The following PAK1 variants were observed in gnomAD, a reference collection of about 807,000 sequenced individuals.
The protein encoded by PAK1 is serine/threonine-protein kinase PAK 1.
A neutral mutation model predicts 67.4 loss-of-function variants in PAK1; 29 were observed. The observed-to-expected ratio is 0.43, with a 90% confidence interval of 0.32 to 0.59. PAK1 has a LOEUF of 0.59. Ranked by LOEUF, PAK1 falls within the 20% of genes least tolerant of loss-of-function variation. The probability of loss-of-function intolerance (pLI) is 0.07; values close to 1 mark genes in which losing one functional copy is unlikely to be tolerated. For missense variants in PAK1, 337 were observed against 670.7 expected, an observed-to-expected ratio of 0.50 and a Z score of 5.50; for synonymous variants, 223 against 237.4, an observed-to-expected ratio of 0.94 and a Z score of 0.56.
At position 77,349,229 on chromosome 11, in the gene PAK1, G is replaced by C; in HGVS notation, c.885+10C>G. 4.4e-6 allele frequency: 7 copies of C among 1,580,656 alleles called. No homozygotes were observed. The highest frequency in any genetic ancestry group is 5.2e-6 in the Non-Finnish European group (6 of 1,157,366). On this transcript the variant is annotated intron_variant, in intron 9 of 14. Transcript: ENST00000356341. ...AACTAAAGGAGCAACAGTGGGTGGT[G>C]GATACTCACCTCCTGTCCTGTGGCC...
chr11:77,397,159 C>T (rs565884698), intron 1 of PAK1: 1 of 152,346 alleles, frequency 6.6e-6, no homozygotes, highest in South Asian at 2.1e-4. Flanking sequence ...TCTATCCATC[C>T]TGGACAACAA....
chr11:77,472,782 A>C (rs968454480), intron 1 of PAK1, among the ~76,000 whole-genome samples: 1 of 152,168 alleles, frequency 6.6e-6, no homozygotes, highest in Non-Finnish European at 1.5e-5. Context: ...CCTTCCCTTC[A>C]CTGTTCACAG....
At position 77,421,241 on chromosome 11, in the gene PAK1, A is replaced by G. The variant is rs552481279; in HGVS notation, c.-21-28700T>C. 3.9e-5 allele frequency among the ~76,000 whole-genome samples: 6 copies of G among 152,284 alleles called. No homozygotes were observed. The East Asian group carries it at 7.7e-4, about 20-fold the overall frequency. ...GCACCAAGGCTTTCTCCGACAGGCTATATACACTCTCTCCTCCAGGCCTTC... is the reference window on the plus strand; with the variant it reads ...GCACCAAGGCTTTCTCCGACAGGCTGTATACACTCTCTCCTCCAGGCCTTC... On this transcript the variant is annotated intron_variant, in intron 1 of 14. Coordinates refer to ENST00000356341, the MANE Select transcript of PAK1 (RefSeq NM_002576.5).
chr11:77,529,113 AC>A, the PAK1 span, among the ~76,000 whole-genome samples: 2 of 152,184 alleles, frequency 1.3e-5, no homozygotes, highest in African/African-American at 4.8e-5. Context: ...ATCCCGCAAG[AC>A]AGGTATTTTT....
At chr11:77,413,739 A>C (rs994840869) in intron 1 of PAK1, among the ~76,000 whole-genome samples, 1 of 152,056 alleles carries the variant, frequency 6.6e-6, no homozygotes, top group East Asian at 1.9e-4. Context: ...GAAGAAAAGA[A>C]AGAAAGAAAG....
intron 9 of PAK1, among the ~76,000 whole-genome samples, chr11:77,345,884 GA>G (rs1944340001): frequency 6.6e-6 from 1 of 152,204 alleles, no homozygotes; most frequent in Non-Finnish European, 1.5e-5. Context: ...CACTGCTTAC[GA>G]ACCACACAGT....
intron 13 of PAK1, among the ~76,000 whole-genome samples, chr11:77,334,730 T>G (rs900305383): frequency 1.3e-5 from 2 of 152,134 alleles, no homozygotes; most frequent in Non-Finnish European, 2.9e-5. Flanking sequence ...TCATTCCCAT[T>G]AGCACACAGA....
chr11:77,493,241 AG>A, the PAK1 span, among the ~76,000 whole-genome samples: 2 of 149,878 alleles, frequency 1.3e-5, no homozygotes, highest in Non-Finnish European at 3.0e-5. Flanking sequence ...TGGGATTACA[AG>A]TGTGAGCCAT....
At chr11:77,347,971 G>A (rs1304905079) in intron 9 of PAK1, among the ~76,000 whole-genome samples, 5 of 150,194 alleles carry the variant, frequency 3.3e-5, no homozygotes, top group African/African-American at 4.8e-5. Flanking sequence ...CTAGGTCTTT[G>A]GATTCTCACA....
At chr11:77,385,415 A>G (rs902917673) in intron 2 of PAK1, among the ~76,000 whole-genome samples, 1 of 152,260 alleles carries the variant, frequency 6.6e-6, no homozygotes, top group Non-Finnish European at 1.5e-5. Flanking sequence ...TGACCACATT[A>G]AAATTCTATC....
the PAK1 span, among the ~76,000 whole-genome samples, chr11:77,525,868 A>G: frequency 6.6e-6 from 1 of 152,232 alleles, no homozygotes; most frequent in Non-Finnish European, 1.5e-5. Flanking sequence ...TCACTAGAAC[A>G]ACAGGAGGGA....
At chr11:77,491,828 A>G in the PAK1 span, among the ~76,000 whole-genome samples, 4 of 152,226 alleles carry the variant, frequency 2.6e-5, no homozygotes, top group African/African-American at 9.6e-5. Context: ...GACAGGAGTA[A>G]GTCTTTACTT....
chr11:77,509,237 G>T, the PAK1 span, among the ~76,000 whole-genome samples: 1 of 151,538 alleles, frequency 6.6e-6, no homozygotes, highest in Non-Finnish European at 1.5e-5. Context: ...CAGCCTGGGC[G>T]ACTGAGCGAG....
intron 8 of PAK1, among the ~76,000 whole-genome samples, chr11:77,349,783 T>C (rs1221328037): frequency 8.6e-5 from 13 of 151,836 alleles, no homozygotes; most frequent in Non-Finnish European, 1.5e-5. Flanking sequence ...AGGGATAAGA[T>C]TAGATCTATG....
At chr11:77,406,573 T>C (rs1429641214) in intron 1 of PAK1, among the ~76,000 whole-genome samples, 2 of 151,812 alleles carry the variant, frequency 1.3e-5, no homozygotes, top group African/African-American at 4.8e-5. Flanking sequence ...AGCTCAGGAG[T>C]TTGAGATCTG....
chr11:77,479,063 C>T (rs139396155), upstream of PAK1, among the ~76,000 whole-genome samples: 2,142 of 145,240 alleles, frequency 0.015, 24 homozygotes, highest in Non-Finnish European at 0.024. Context: ...CCAGCCTAGG[C>T]GGCCGAGCAA....
intron 1 of PAK1, among the ~76,000 whole-genome samples, chr11:77,419,317 T>C (rs1955133453): frequency 6.6e-6 from 1 of 152,222 alleles, no homozygotes; most frequent in Non-Finnish European, 1.5e-5. Flanking sequence ...TAACATGTTT[T>C]AAGTGCAATA....
the PAK1 span, among the ~76,000 whole-genome samples, chr11:77,483,311 T>C: frequency 1.3e-5 from 2 of 151,938 alleles, no homozygotes; most frequent in East Asian, 3.9e-4. Context: ...TCGTAATCCA[T>C]GGACAGAAAT....
the PAK1 span, among the ~76,000 whole-genome samples, chr11:77,527,329 C>T: frequency 6.6e-6 from 1 of 152,136 alleles, no homozygotes; most frequent in Non-Finnish European, 1.5e-5. Context: ...TCTCTAACTC[C>T]TAAGCTCAAG....
Sources: gnomAD v4.1 joint callset for allele counts (sites outside exome capture counted in the v4.1 genomes callset) on GRCh38, gnomAD v4.1.1 for gene constraint, MANE v1.5 for transcripts, NCBI Gene and HGNC (gene_info 2026-07-23, HGNC 2026-07-21) for gene names.